CEP41: variants seen among roughly 807,000 people sequenced by gnomAD.
The protein encoded by CEP41 is centrosomal protein 41.
Under a neutral mutation model 44.3 loss-of-function variants are expected in CEP41, and 32 were observed. The ratio of observed to expected loss-of-function variants is 0.72; its 90% CI spans 0.54 to 0.97. The LOEUF is 0.97. Ranked by LOEUF, CEP41 falls within the 50% of genes least tolerant of loss-of-function variation. The probability of loss-of-function intolerance (pLI) is 0.00; values close to 1 mark genes in which losing one functional copy is unlikely to be tolerated. For synonymous variants in CEP41, 151 were observed against 168.5 expected, an observed-to-expected ratio of 0.90 and a Z score of 0.80; for missense variants, 432 against 455.2, an observed-to-expected ratio of 0.95 and a Z score of 0.46.
chr7:130,441,020 C>T, upstream of CEP41: 4 of 1,582,804 alleles, frequency 2.5e-6, no homozygotes, highest in Non-Finnish European at 3.5e-6. Context: ...TGCCTCTAAC[C>T]CTAGCTTCCT....
chr7:130,432,138 T>C (rs1314939562), intron 1 of CEP41, among the ~76,000 whole-genome samples: 1 of 151,714 alleles, frequency 6.6e-6, no homozygotes, highest in Non-Finnish European at 1.5e-5. Flanking sequence ...CAAGATTATA[T>C]TTCTGTCTTA....
chr7:130,417,462 C>T (rs373919946), intron 2 of CEP41: 20 of 484,698 alleles, frequency 4.1e-5, no homozygotes, highest in Middle Eastern at 9.6e-4. Context: ...ACTCTTCTAC[C>T]GTTCATGCTC....
chr7:130,394,865 T>C lies in CEP41; in HGVS notation c.*4026A>G, dbSNP rs1554413871. 2.2e-6 allele frequency: 1 copy of C among 454,022 alleles called. No homozygotes were observed. Among genetic ancestry groups the C allele is most frequent in the African/African-American group, 2.0e-5 (1 of 50,014 alleles). 28.1% of individuals were successfully genotyped at this position (454,022 alleles called of 1,614,324 possible). ...AACAGGAAGACATATTGATATCCTT[T>C]AAAAGATGCAGCCCATCCGTCCACA... On this transcript the variant is annotated 3_prime_UTR_variant, in exon 11 of 11. Coordinates refer to ENST00000223208, the MANE Select transcript of CEP41 (RefSeq NM_018718.3).
intron 8 of CEP41, among the ~76,000 whole-genome samples, chr7:130,401,386 A>T (rs904525369): frequency 6.6e-6 from 1 of 150,964 alleles, no homozygotes; most frequent in South Asian, 2.1e-4. Context: ...CAACTTTGTT[A>T]AAAAAAAACA....
chr7:130,422,020 A>G (rs1554422340), intron 2 of CEP41: 6 of 1,535,698 alleles, frequency 3.9e-6, no homozygotes, highest in Non-Finnish European at 5.2e-6. Context: ...ATGGAACAAA[A>G]GAAATATTTG....
Position 130,395,500 on chromosome 7 carries a change from T to A in CEP41, c.*3391A>T, listed in dbSNP as rs781902268. 4.4e-6 allele frequency: 2 copies of A among 454,112 alleles called. No individual in the cohort carries two copies. The highest frequency in any genetic ancestry group is 3.1e-5 in the South Asian group (2 of 64,470). 28.1% of individuals were successfully genotyped at this position (454,112 alleles called of 1,614,324 possible). On this transcript the variant is annotated 3_prime_UTR_variant, in exon 11 of 11. Transcript: ENST00000223208. ...TTATCTTCAGAGTAGAGCAAGAAGG[T>A]GGTCATGGATTTAAATCCAGGTGGA...
At chr7:130,410,029 CTTT>C (rs782636525) in intron 5 of CEP41, among the ~76,000 whole-genome samples, 1 of 139,880 alleles carries the variant, frequency 7.1e-6, no homozygotes, top group Non-Finnish European at 1.6e-5. Flanking sequence ...CCTCGGTCTT[CTTT>C]TTTTTTTTTT....
upstream of CEP41, chr7:130,441,333 T>C: frequency 9.4e-6 from 4 of 423,404 alleles, no homozygotes; most frequent in South Asian, 8.2e-5. Flanking sequence ...AAAACACGAG[T>C]TTTAGCTAAT....
At chr7:130,399,184 G>A (rs1459579467) in intron 10 of CEP41, 145 bp from the exon 11 acceptor site, 6 of 930,616 alleles carry the variant, frequency 6.4e-6, no homozygotes, top group Non-Finnish European at 1.0e-5. Context: ...TTAGGCCAAC[G>A]ATGGCCTACT....
intron 2 of CEP41, among the ~76,000 whole-genome samples, chr7:130,426,060 T>C (rs1797652498): frequency 6.6e-6 from 1 of 152,256 alleles, no homozygotes; most frequent in Admixed American, 6.5e-5. Context: ...GGAAACGTTC[T>C]GTATCTTGAC....
chr7:130,396,642 T>C lies in CEP41; in HGVS notation c.*2249A>G, dbSNP rs1398473553. Reference sequence around the variant, plus strand: ...TAATGAAGAAACTGGCAAAGTAGAATGTTAAAAGCAATACCTCGAGCACGT... The same window carrying C: ...TAATGAAGAAACTGGCAAAGTAGAACGTTAAAAGCAATACCTCGAGCACGT... On this transcript the variant is annotated 3_prime_UTR_variant, in exon 11 of 11. Transcript: ENST00000223208. 4 of 454,486 alleles carry C rather than the reference T, an allele frequency of 8.8e-6. No individual in the cohort carries two copies. The highest frequency in any genetic ancestry group is 4.7e-5 in the Admixed American group (2 of 42,562). The allele number at this position is 454,486 out of a possible 1,614,324, so 28.2% of individuals were successfully genotyped here.
Position 130,396,401 on chromosome 7 carries a change from A to T in CEP41, c.*2490T>A. ...ATTGGACTGATTTCCTGATTCATTT[A>T]TTTTTTTTAAAAAATGCTTTCCTAG... On this transcript the variant is annotated 3_prime_UTR_variant, in exon 11 of 11. Coordinates refer to ENST00000223208, the MANE Select transcript of CEP41 (RefSeq NM_018718.3). The T allele has an allele frequency of 6.6e-6, 3 of 454,284 alleles. No homozygotes were observed. The highest frequency in any genetic ancestry group is 4.7e-5 in the South Asian group (3 of 64,472). 28.1% of individuals were successfully genotyped at this position (454,284 alleles called of 1,614,324 possible). A position where few individuals can be genotyped will look rare whatever the true frequency, so the allele number is the denominator to read the frequency against.
At chr7:130,416,477 C>T (rs1797339491) in intron 3 of CEP41, among the ~76,000 whole-genome samples, 2 of 152,332 alleles carry the variant, frequency 1.3e-5, no homozygotes, top group South Asian at 4.1e-4. Context: ...ACACTAAGTT[C>T]TCACGTCCCT....
intron 2 of CEP41, chr7:130,419,851 A>G (rs1797448183): frequency 3.0e-6 from 3 of 985,108 alleles, no homozygotes. Flanking sequence ...CCCTCCTCTG[A>G]GCCTCTATAG....
At chr7:130,421,185 AT>A in intron 2 of CEP41, 1 of 985,380 alleles carries the variant, frequency 1.0e-6, no homozygotes, top group Non-Finnish European at 1.2e-6. Flanking sequence ...CATTCATTAG[AT>A]TTTTTCCATT....
At chr7:130,422,030 G>T in intron 2 of CEP41, 1 of 1,535,384 alleles carries the variant, frequency 6.5e-7, no homozygotes, top group Non-Finnish European at 8.7e-7. Context: ...AGAAATATTT[G>T]AAGTTCAAAA....
intron 10 of CEP41, chr7:130,399,358 A>G: frequency 2.6e-6 from 1 of 389,538 alleles, no homozygotes; most frequent in Non-Finnish European, 4.8e-6. Flanking sequence ...TTGGGGAAAG[A>G]AAAGAGAAAG....
In CEP41 at chr7:130,394,049, A is replaced by C; in HGVS notation, c.*4842T>G. ...CGCCTTTTGTGCAGGCAAGCGGAGG[A>C]AAGTTTTCAAAAGAATCTCGGCTGA... On this transcript the variant is annotated 3_prime_UTR_variant, in exon 11 of 11. Coordinates refer to ENST00000223208, the MANE Select transcript of CEP41 (RefSeq NM_018718.3). 2.2e-6 allele frequency: 1 copy of C among 454,108 alleles called. No individual in the cohort carries two copies. Among genetic ancestry groups the C allele is most frequent in the African/African-American group, 2.0e-5 (1 of 50,140 alleles). The allele number at this position is 454,108 out of a possible 1,614,324, so 28.1% of individuals were successfully genotyped here.
Position 130,397,596 on chromosome 7 carries a change from G to A in CEP41, c.*1295C>T, listed in dbSNP as rs963908330. Reference sequence around the variant, plus strand: ...CCCGTAGCAGTTACCAGCAGGACAGGCAATTTTCAGTGGGCTTTTCAGAAG... The same window carrying A: ...CCCGTAGCAGTTACCAGCAGGACAGACAATTTTCAGTGGGCTTTTCAGAAG... On this transcript the variant is annotated 3_prime_UTR_variant, in exon 11 of 11. Coordinates refer to ENST00000223208, the MANE Select transcript of CEP41 (RefSeq NM_018718.3). 6 of 449,706 alleles carry A rather than the reference G, an allele frequency of 1.3e-5. No individual in the cohort carries two copies. The East Asian group carries it at 2.1e-4, about 16-fold the overall frequency. The allele number at this position is 449,706 out of a possible 1,614,324, so 27.9% of individuals were successfully genotyped here.
Sources: allele counts gnomAD v4.1 joint callset (sites outside exome capture counted in the v4.1 genomes callset), GRCh38; gene constraint gnomAD v4.1.1; transcripts MANE v1.5; gene names NCBI Gene and HGNC (gene_info 2026-07-23, HGNC 2026-07-21).